The following PDZD2 variants were observed in gnomAD, a reference collection of about 807,000 sequenced individuals.
PDZD2 encodes PDZ domain containing 2.
Under a neutral mutation model 220.7 loss-of-function variants are expected in PDZD2, and 90 were observed. The ratio of observed to expected loss-of-function variants is 0.41; its 90% CI spans 0.34 to 0.49. PDZD2 has a LOEUF of 0.49. Among genes scored for constraint, PDZD2 ranks in the 20% least tolerant of loss-of-function variants. The pLI is 0.28. For synonymous variants in PDZD2, 1,375 were observed against 1,450.5 expected, an observed-to-expected ratio of 0.95 and a Z score of 1.18; for missense variants, 3,174 against 3,608.5, an observed-to-expected ratio of 0.88 and a Z score of 3.08.
intron 6 of PDZD2, among the ~76,000 whole-genome samples, chr5:32,021,627 G>A (rs925647971): frequency 2.0e-5 from 3 of 152,024 alleles, no homozygotes; most frequent in Non-Finnish European, 4.4e-5. Context: ...ACTCCTCCAC[G>A]CCTTCAGTAG....
intron 1 of PDZD2, among the ~76,000 whole-genome samples, chr5:31,669,511 T>C (rs889154359): frequency 6.6e-6 from 1 of 152,116 alleles, no homozygotes; most frequent in Non-Finnish European, 1.5e-5. Context: ...CCCGTGTGGA[T>C]TGGCTCTTGC....
chr5:31,700,439 C>T (rs2150133452), intron 1 of PDZD2, among the ~76,000 whole-genome samples: 1 of 152,164 alleles, frequency 6.6e-6, no homozygotes, highest in Non-Finnish European at 1.5e-5. Flanking sequence ...TGCTTTCATC[C>T]CCTCTCCCTT....
intron 2 of PDZD2, among the ~76,000 whole-genome samples, chr5:31,945,160 A>G (rs1746527896): frequency 6.6e-6 from 1 of 152,160 alleles, no homozygotes; most frequent in African/African-American, 2.4e-5. Context: ...GCAGCTCCAG[A>G]ACCCCGAGAT....
chr5:31,789,844 G>A (rs1431338848), intron 1 of PDZD2, among the ~76,000 whole-genome samples: 1 of 152,134 alleles, frequency 6.6e-6, no homozygotes, highest in African/African-American at 2.4e-5. Flanking sequence ...CTTGAACCTG[G>A]AAGGTGGAGG....
At chr5:32,068,881 A>T (rs1480461664) in intron 14 of PDZD2, among the ~76,000 whole-genome samples, 2 of 152,006 alleles carry the variant, frequency 1.3e-5, no homozygotes, top group Non-Finnish European at 2.9e-5. Context: ...CATGCATGTA[A>T]ATGTGGCAAA....
rs879288343 is a variant in PDZD2, at chr5:31,975,793, C to CTTTTTTTTTTTTTTTTTT, written c.477-7353_477-7352insTTTTTTTTTTTTTTTTTT. Among the ~76,000 whole-genome samples, 8 of 55,182 alleles carry CTTTTTTTTTTTTTTTTTT rather than the reference C, an allele frequency of 1.4e-4. 3 individuals are homozygous for CTTTTTTTTTTTTTTTTTT. Among genetic ancestry groups the CTTTTTTTTTTTTTTTTTT allele is most frequent in the African/African-American group, 1.7e-4 (2 of 11,784 alleles). The allele number at this position is 55,182 out of a possible 152,430, so 36.2% of individuals were successfully genotyped here. ...ATGAGCACACTGAAGGTATCAGTCA[C>CTTTTTTTTTTTTTTTTTT]TTTTTTTTTATTTATTTTTTTTTTT... On this transcript the variant is annotated intron_variant, in intron 2 of 24. Transcript: ENST00000438447.
At chr5:31,714,262 C>T (rs1258236837) in intron 1 of PDZD2, among the ~76,000 whole-genome samples, 2 of 152,160 alleles carry the variant, frequency 1.3e-5, no homozygotes, top group East Asian at 3.9e-4. Flanking sequence ...GGTCAGGTAC[C>T]CCCAGAGGCT....
At chr5:31,669,068 CT>C (rs1746109201) in intron 1 of PDZD2, among the ~76,000 whole-genome samples, 3 of 151,970 alleles carry the variant, frequency 2.0e-5, no homozygotes, top group Admixed American at 2.0e-4. Context: ...TTTGGTGTCC[CT>C]GGGGGTGCTA....
intron 1 of PDZD2, among the ~76,000 whole-genome samples, chr5:31,778,548 C>G (rs1333616272): frequency 3.9e-5 from 6 of 152,166 alleles, no homozygotes; most frequent in Non-Finnish European, 8.8e-5. Context: ...AGCTGTAACA[C>G]TCACCATGAA....
intron 1 of PDZD2, among the ~76,000 whole-genome samples, chr5:31,685,167 A>G (rs759473568): frequency 1.3e-5 from 2 of 150,792 alleles, no homozygotes; most frequent in Non-Finnish European, 3.0e-5. Flanking sequence ...TACCCGCTTG[A>G]CCCCCTTCTC....
rs114475409 is a variant in PDZD2, at chr5:31,707,727, A to T, written c.-361+68290A>T. On this transcript the variant is annotated intron_variant, in intron 1 of 24. Coordinates refer to ENST00000438447, the MANE Select transcript of PDZD2 (RefSeq NM_178140.4). ...ACTGTAGCATCAACTCCTGTGTTCAAGTGATCCTCCTGTCTCAGCCTCCTG... is the reference window on the plus strand; with the variant it reads ...ACTGTAGCATCAACTCCTGTGTTCATGTGATCCTCCTGTCTCAGCCTCCTG... Among the ~76,000 whole-genome samples, 825 of 152,254 alleles carry T rather than the reference A, an allele frequency of 5.4e-3. 10 individuals carry two copies. The highest frequency in any genetic ancestry group is 0.019 in the African/African-American group (786 of 41,544).
intron 2 of PDZD2, among the ~76,000 whole-genome samples, chr5:31,850,008 ACACACACAC>A (rs1757902938): frequency 1.3e-5 from 1 of 78,438 alleles, no homozygotes; most frequent in Non-Finnish European, 2.4e-5. Flanking sequence ...ATATATATAT[ACACACACAC>A]GTATATACTC....
rs1580501177 is a variant in PDZD2, at chr5:31,639,155, G to C, written c.-643G>C. On this transcript the variant is annotated 5_prime_UTR_variant, in exon 1 of 25. Transcript: ENST00000438447. This position sits in a 1 kb window ranked among gnomAD's most constrained non-coding sequence, Gnocchi z 4.1. ...GGAGGCTCGGCGGATCCCCTGCGCA[G>C]CGAGGCGAGGAGCGGACCCCAGCGC... is the stretch of plus-strand genomic sequence containing the variant. Among the ~76,000 whole-genome samples the C allele has an allele frequency of 6.6e-6, 1 of 152,210 alleles. No homozygotes were observed. Among genetic ancestry groups the C allele is most frequent in the East Asian group, 1.9e-4 (1 of 5,152 alleles).
chr5:32,089,461 G>A lies in PDZD2; in HGVS notation c.6013G>A (p.Val2005Ile). 3 of 1,613,852 alleles carry A rather than the reference G, an allele frequency of 1.9e-6. No homozygotes were observed. The highest frequency in any genetic ancestry group is 1.7e-6 in the Non-Finnish European group (2 of 1,180,032). Residue 2005 changes from valine (V) to isoleucine (I), a missense_variant, in exon 20 of 25, where the codon GTC becomes ATC. Val to Ile is a conservative substitution (Grantham distance 29). Around this residue, in one of 4 missense-constraint regions of PDZD2, gnomAD observed 1,861 missense variants for 2,001.0 expected, o/e 0.93. Transcript: ENST00000438447. ...CATGTGGAGCAGGTTCCACATGGCT[G>A]TCCTCTCTGAACCCGACAGAGGTTG... ...QGMWSRFHMAVLSEPDRGCPT... is the reference protein window; with the variant it reads ...QGMWSRFHMAILSEPDRGCPT...
intron 1 of PDZD2, among the ~76,000 whole-genome samples, chr5:31,692,295 G>C (rs891043134): frequency 2.0e-5 from 3 of 152,188 alleles, no homozygotes; most frequent in Non-Finnish European, 2.9e-5. Context: ...CTCGGAACTT[G>C]CGCTGGCCCG....
intron 2 of PDZD2, among the ~76,000 whole-genome samples, chr5:31,805,184 C>G (rs10940967): frequency 0.53 from 80,278 of 152,018 alleles, 21,307 homozygotes; most frequent in East Asian, 0.73. Flanking sequence ...GGCAACAGAG[C>G]AAGACTCTGT....
At chr5:31,684,598 G>A (rs1746778458) in intron 1 of PDZD2, among the ~76,000 whole-genome samples, 1 of 150,034 alleles carries the variant, frequency 6.7e-6, no homozygotes, top group African/African-American at 2.5e-5. Context: ...CAGATACATC[G>A]CTCTGCAAAC....
At chr5:31,850,022 ATACTCATATATACACG>A (rs1331479149) in intron 2 of PDZD2, among the ~76,000 whole-genome samples, 17 of 131,932 alleles carry the variant, frequency 1.3e-4, no homozygotes, top group Admixed American at 1.6e-4. Flanking sequence ...ACACACGTAT[ATACTCATATATACACG>A]TATATATATA....
At chr5:31,789,793 C>T (rs932308080) in intron 1 of PDZD2, among the ~76,000 whole-genome samples, 4 of 152,094 alleles carry the variant, frequency 2.6e-5, no homozygotes, top group African/African-American at 9.7e-5. Flanking sequence ...TGGCGGGCGC[C>T]TGTAATCCCA....
Sources: allele counts gnomAD v4.1 joint callset (sites outside exome capture counted in the v4.1 genomes callset), GRCh38; gene constraint gnomAD v4.1.1; regional missense constraint gnomAD v4.1.1; non-coding constraint Gnocchi (gnomAD v3.1); transcripts MANE v1.5; gene names NCBI Gene and HGNC (gene_info 2026-07-23, HGNC 2026-07-21).